RNF187: variants seen among roughly 807,000 people sequenced by gnomAD.
RNF187 encodes ring finger protein 187.
A neutral mutation model predicts 22.2 loss-of-function variants in RNF187; 18 were observed. The observed-to-expected ratio is 0.81, with a 90% confidence interval of 0.56 to 1.20. The LOEUF (loss-of-function observed/expected upper bound fraction) is 1.20. Among genes scored for constraint, RNF187 ranks in the 50% most tolerant of loss-of-function variants. The pLI, the probability that RNF187 is intolerant of heterozygous loss-of-function variation, is 0.00. For synonymous variants in RNF187, 164 were observed against 140.9 expected (o/e 1.16, Z -1.16); for missense variants, 329 against 317.6 (o/e 1.04, Z -0.27).
intron 2 of RNF187, among the ~76,000 whole-genome samples, chr1:228,491,692 G>A: frequency 2.6e-5 from 4 of 151,904 alleles, no homozygotes; most frequent in Admixed American, 1.3e-4. Flanking sequence ...CAACCACCTC[G>A]GCCTCCCAAA....
At chr1:228,492,931 G>T in intron 2 of RNF187, 122 bp from the exon 3 acceptor site, 1 of 1,083,616 alleles carries the variant, frequency 9.2e-7, no homozygotes, top group East Asian at 2.6e-5. Flanking sequence ...CCTAATAGTC[G>T]ATGTGCCTGA....
chr1:228,487,766 T>A lies in RNF187; in HGVS notation c.278T>A (p.Leu93Gln). The change falls in exon 1 of 4, where the codon CTG becomes CAG. Residue 93 changes from leucine (L) to glutamine (Q), a missense_variant. Coordinates refer to ENST00000305943, the MANE Select transcript of RNF187 (RefSeq NM_001010858.3). The stretch of plus-strand genomic sequence containing the variant: ...GACGGCCCGGCCAGCGAGGCCGCGC[T>A]GCAGCTGCTGTGCCGCGCCGACGCC... 1 of 1,059,762 alleles carries A rather than the reference T, an allele frequency of 9.4e-7. No individual in the cohort carries two copies. The highest frequency in any genetic ancestry group is 1.1e-6 in the Non-Finnish European group (1 of 879,328). 65.6% of individuals were successfully genotyped at this position (1,059,762 alleles called of 1,614,324 possible). A position where few individuals can be genotyped will look rare whatever the true frequency, so the allele number is the denominator to read the frequency against.
chr1:228,488,832 G>A, intron 1 of RNF187, 128 bp from the exon 2 acceptor site: 12 of 707,264 alleles, frequency 1.7e-5, no homozygotes, highest in Non-Finnish European at 2.9e-5. Context: ...CTAGACAACC[G>A]GGCTTCGAGG....
intron 2 of RNF187, among the ~76,000 whole-genome samples, chr1:228,489,545 C>T: frequency 1.1e-4 from 16 of 152,200 alleles, no homozygotes; most frequent in Non-Finnish European, 1.8e-4. Flanking sequence ...AGCGGTTCTC[C>T]CGCCTTGGCC....
intron 2 of RNF187, among the ~76,000 whole-genome samples, chr1:228,491,411 A>T: frequency 1.3e-5 from 2 of 149,380 alleles, no homozygotes; most frequent in Non-Finnish European, 1.5e-5. Flanking sequence ...AAAAAAAAAT[A>T]AAGGGAGATG....
chr1:228,491,398 A>AAAT, intron 2 of RNF187, among the ~76,000 whole-genome samples: 1 of 145,920 alleles, frequency 6.9e-6, no homozygotes, highest in Admixed American at 6.7e-5. Context: ...AAAAAAAAAA[A>AAAT]AAAAAAAAAA....
At position 228,487,657 on chromosome 1, in the gene RNF187, T is replaced by C; in HGVS notation, c.169T>C (p.Trp57Arg). The change falls in exon 1 of 4, where the codon TGG (tryptophan) becomes CGG (arginine). Residue 57 changes from tryptophan to arginine, a missense_variant. Transcript: ENST00000305943. Reference sequence around the variant, plus strand: ...GTGCCCCGAGTGCGCCGACGACTGCTGGCAGCGCGCCGTGGAGCCCGGCAG... The same window carrying C: ...GTGCCCCGAGTGCGCCGACGACTGCCGGCAGCGCGCCGTGGAGCCCGGCAG... The C allele has an allele frequency of 8.7e-7, 1 of 1,153,270 alleles. No individual in the cohort carries two copies. Among genetic ancestry groups the C allele is most frequent in the African/African-American group, 1.6e-5 (1 of 60,670 alleles). 71.4% of individuals were successfully genotyped at this position (1,153,270 alleles called of 1,614,324 possible). A position where few individuals can be genotyped will look rare whatever the true frequency, so the allele number is the denominator to read the frequency against.
At position 228,494,247 on chromosome 1, in the gene RNF187, T is replaced by C; in HGVS notation, c.*362T>C. ...AGGGACCCAGACCCTGCACCTTCCA[T>C]GTGGGCCCACAGATCCTTGGCAGGT... On this transcript the variant is annotated 3_prime_UTR_variant, in exon 4 of 4. Transcript: ENST00000305943. 8.1e-7 allele frequency: 1 copy of C among 1,234,756 alleles called. No homozygotes were observed. Among genetic ancestry groups the C allele is most frequent in the East Asian group, 3.8e-5 (1 of 26,344 alleles). 76.5% of individuals were successfully genotyped at this position (1,234,756 alleles called of 1,614,324 possible).
At chr1:228,490,019 C>T in intron 2 of RNF187, among the ~76,000 whole-genome samples, 1 of 152,214 alleles carries the variant, frequency 6.6e-6, no homozygotes, top group Admixed American at 6.5e-5. Flanking sequence ...GCTCTTTAGT[C>T]GTTTAAACTC....
chr1:228,490,150 C>T, intron 2 of RNF187, among the ~76,000 whole-genome samples: 1 of 152,222 alleles, frequency 6.6e-6, no homozygotes, highest in Non-Finnish European at 1.5e-5. Flanking sequence ...TGCAGCAGCT[C>T]TTGGGTAACT....
chr1:228,489,089 GA>G, intron 2 of RNF187, 37 bp downstream of exon 2: 1 of 1,501,182 alleles, frequency 6.7e-7, no homozygotes, highest in Non-Finnish European at 9.0e-7. Context: ...GGAATGAGGG[GA>G]CTGTGGGCTC....
At chr1:228,491,208 A>G in intron 2 of RNF187, among the ~76,000 whole-genome samples, 1 of 151,140 alleles carries the variant, frequency 6.6e-6, no homozygotes, top group Non-Finnish European at 1.5e-5. Context: ...TGGGTAACAT[A>G]GTGAGACCAC....
chr1:228,490,948 T>C, intron 2 of RNF187, among the ~76,000 whole-genome samples: 1 of 152,212 alleles, frequency 6.6e-6, no homozygotes, highest in Non-Finnish European at 1.5e-5. Flanking sequence ...GCAGGGCCAC[T>C]CAAGGATTTA....
At position 228,487,528 on chromosome 1, in the gene RNF187, C is replaced by T. The variant is rs1571797211; in HGVS notation, c.40C>T (p.Leu14=). Reference sequence around the variant, plus strand: ...GGGCCCCGCCGAGGCCGCCTGCGCCCTGTGCCAGCGCGCGCCCCGGGAACC... The same window carrying T: ...GGGCCCCGCCGAGGCCGCCTGCGCCTTGTGCCAGCGCGCGCCCCGGGAACC... The change falls in exon 1 of 4, where the codon CTG becomes TTG. Residue 14 remains leucine, a synonymous_variant. Coordinates refer to ENST00000305943, the MANE Select transcript of RNF187 (RefSeq NM_001010858.3). The T allele has an allele frequency of 8.3e-7, 1 of 1,199,940 alleles. No homozygotes were observed. The highest frequency in any genetic ancestry group is 1.0e-6 in the Non-Finnish European group (1 of 965,344). The allele number at this position is 1,199,940 out of a possible 1,614,324, so 74.3% of individuals were successfully genotyped here.
At position 228,494,312 on chromosome 1, in the gene RNF187, A is replaced by G; in HGVS notation, c.*427A>G. ...ATTGAGTGTCGGATTTGGGGTTAGC[A>G]TCCAGAAAGAAGAATGCGCATGACG... is the stretch of plus-strand genomic sequence containing the variant. On this transcript the variant is annotated 3_prime_UTR_variant, in exon 4 of 4. Coordinates refer to ENST00000305943, the MANE Select transcript of RNF187 (RefSeq NM_001010858.3). 2 of 1,087,348 alleles carry G rather than the reference A, an allele frequency of 1.8e-6. No individual in the cohort carries two copies. The highest frequency in any genetic ancestry group is 6.4e-5 in the East Asian group (1 of 15,668). 67.4% of individuals were successfully genotyped at this position (1,087,348 alleles called of 1,614,324 possible).
Position 228,488,941 on chromosome 1 carries a change from G to T in RNF187, c.391-19G>T. On this transcript the variant is annotated intron_variant, in intron 1 of 3. Transcript: ENST00000305943. Reference sequence around the variant, plus strand: ...CCCAGAGCTTCTGCCCACCCCTGGTGACCTTCTTTTCTTTACAGGAGAACA... The same window carrying T: ...CCCAGAGCTTCTGCCCACCCCTGGTTACCTTCTTTTCTTTACAGGAGAACA... The T allele has an allele frequency of 1.3e-6, 2 of 1,547,656 alleles. No homozygotes were observed. The highest frequency in any genetic ancestry group is 2.7e-5 in the African/African-American group (2 of 73,000).
At chr1:228,492,901 G>A in intron 2 of RNF187, among the ~76,000 whole-genome samples, 152 bp from the exon 3 acceptor site, 1 of 152,188 alleles carries the variant, frequency 6.6e-6, no homozygotes, top group Admixed American at 6.5e-5. Flanking sequence ...GGGATTACAA[G>A]CGTGAGCCAC....
At position 228,487,838 on chromosome 1, in the gene RNF187, C is replaced by T. The variant is rs1441799100; in HGVS notation, c.350C>T (p.Pro117Leu). 4 of 1,229,528 alleles carry T rather than the reference C, an allele frequency of 3.3e-6. No individual in the cohort carries two copies. Among genetic ancestry groups the T allele is most frequent in the Non-Finnish European group, 3.1e-6 (3 of 980,198 alleles). The allele number at this position is 1,229,528 out of a possible 1,614,324, so 76.2% of individuals were successfully genotyped here. Residue 117 changes from proline to leucine, a missense_variant, in exon 1 of 4, where the codon CCC (proline) becomes CTC (leucine). Pro to Leu is a moderately conservative substitution (Grantham distance 98). Transcript: ENST00000305943. ...CGTATGGCTGCGGGCCCCGAGCCGC[C>T]CGAGTGGGAACCGCGCTGGAGGAAG...
chr1:228,490,726 A>G, intron 2 of RNF187, among the ~76,000 whole-genome samples: 2 of 152,254 alleles, frequency 1.3e-5, no homozygotes, highest in African/African-American at 4.8e-5. Flanking sequence ...GAGTAAAATC[A>G]GAGTAGCATC....
Sources: allele counts gnomAD v4.1 joint callset (sites outside exome capture counted in the v4.1 genomes callset), GRCh38; gene constraint gnomAD v4.1.1; transcripts MANE v1.5; gene names NCBI Gene and HGNC (gene_info 2026-07-23, HGNC 2026-07-21).